The following FGF12 variants were observed in gnomAD, a reference collection of about 807,000 sequenced individuals.
The protein encoded by FGF12 is fibroblast growth factor 12, also known as fibroblast growth factor 12B.
FGF12 carries 14 observed loss-of-function variants against 23.6 expected under a neutral mutation model. The ratio of observed to expected loss-of-function variants is 0.59; its 90% CI spans 0.39 to 0.93. The LOEUF is 0.93. Among genes scored for constraint, FGF12 ranks in the 40% least tolerant of loss-of-function variants. FGF12 has a pLI of 0.00. For missense variants in FGF12, 175 were observed against 217.8 expected, an observed-to-expected ratio of 0.80 and a Z score of 1.24; for synonymous variants, 62 against 77.3, an observed-to-expected ratio of 0.80 and a Z score of 1.04.
intron 2 of FGF12, among the ~76,000 whole-genome samples, chr3:192,614,890 G>A (rs1334781016): frequency 6.6e-6 from 1 of 151,886 alleles, no homozygotes. Flanking sequence ...CCTTCAGAAT[G>A]GCCTTTACAT....
intron 2 of FGF12, among the ~76,000 whole-genome samples, chr3:192,637,289 G>A (rs562052479): frequency 2.2e-4 from 33 of 152,244 alleles, no homozygotes; most frequent in African/African-American, 7.2e-4. Flanking sequence ...AGGCCGCCTG[G>A]CATTTCTTTC....
chr3:192,155,285 A>C (rs1227399072), intron 5 of FGF12, among the ~76,000 whole-genome samples: 1 of 152,164 alleles, frequency 6.6e-6, no homozygotes, highest in Non-Finnish European at 1.5e-5. Context: ...TGCATTGCTC[A>C]CGCTGGGAGC....
intron 2 of FGF12, among the ~76,000 whole-genome samples, chr3:192,456,763 GGA>G (rs1455745412): frequency 6.6e-6 from 1 of 152,180 alleles, no homozygotes; most frequent in Admixed American, 6.5e-5. Context: ...TAAATATCTT[GGA>G]GACTCAGTTC....
At chr3:192,423,518 G>T (rs1721600237) in intron 2 of FGF12, among the ~76,000 whole-genome samples, 1 of 152,128 alleles carries the variant, frequency 6.6e-6, no homozygotes, top group Admixed American at 6.5e-5. Flanking sequence ...GAATACAACA[G>T]ACTCTCATGA....
At chr3:192,386,529 T>TA (rs952555923) in intron 2 of FGF12, among the ~76,000 whole-genome samples, 6 of 151,922 alleles carry the variant, frequency 3.9e-5, no homozygotes, top group South Asian at 4.1e-4. Context: ...TTTCTCACTT[T>TA]AAAAAAAAGT....
chr3:192,516,598 G>T (rs1241052595), intron 2 of FGF12: 1 of 152,204 alleles, frequency 6.6e-6, no homozygotes, highest in Non-Finnish European at 1.5e-5. Flanking sequence ...AGAACATCTG[G>T]AGGGCCGCTT....
At chr3:192,185,090 GTTCAAA>G (rs1299319435) in intron 4 of FGF12, among the ~76,000 whole-genome samples, 3 of 152,136 alleles carry the variant, frequency 2.0e-5, no homozygotes, top group Non-Finnish European at 4.4e-5. Context: ...TAAAGATCTA[GTTCAAA>G]TTCAACTCCC....
At chr3:192,522,663 A>AT (rs1380643719) in intron 2 of FGF12, among the ~76,000 whole-genome samples, 1 of 152,248 alleles carries the variant, frequency 6.6e-6, no homozygotes, top group Non-Finnish European at 1.5e-5. Context: ...TCGGTACAAC[A>AT]TTGTTGATAA....
At chr3:192,540,629 T>G (rs1409084764) in intron 2 of FGF12, among the ~76,000 whole-genome samples, 1 of 152,216 alleles carries the variant, frequency 6.6e-6, no homozygotes, top group East Asian at 1.9e-4. Context: ...GGATAAAATG[T>G]TCTGTAAATA....
intron 4 of FGF12, among the ~76,000 whole-genome samples, chr3:192,191,425 G>A (rs1432137019): frequency 6.6e-6 from 1 of 152,158 alleles, no homozygotes; most frequent in Non-Finnish European, 1.5e-5. Context: ...TAACTAATGT[G>A]CCACTAATGC....
chr3:192,396,299 T>C (rs1421128482), intron 2 of FGF12, among the ~76,000 whole-genome samples: 1 of 152,212 alleles, frequency 6.6e-6, no homozygotes, highest in African/African-American at 2.4e-5. Flanking sequence ...AGTATTTCTA[T>C]ATTCCATTCC....
intron 2 of FGF12, among the ~76,000 whole-genome samples, chr3:192,423,160 C>A (rs1226004099): frequency 6.6e-6 from 1 of 152,116 alleles, no homozygotes; most frequent in Non-Finnish European, 1.5e-5. Context: ...CAGAATCAGG[C>A]CTAAATGTGT....
intron 2 of FGF12, among the ~76,000 whole-genome samples, chr3:192,365,076 A>G (rs1471197971): frequency 6.6e-6 from 1 of 152,174 alleles, no homozygotes; most frequent in Non-Finnish European, 1.5e-5. Flanking sequence ...GTTCTACAAA[A>G]TACTTGACCA....
At chr3:192,281,561 C>T (rs1200475256) in intron 4 of FGF12, among the ~76,000 whole-genome samples, 4 of 152,238 alleles carry the variant, frequency 2.6e-5, no homozygotes, top group East Asian at 3.9e-4. Flanking sequence ...CATTGACATA[C>T]ACCTCTGAGA....
At position 192,408,547 on chromosome 3, in the gene FGF12, G is replaced by A. The variant is rs112338811; in HGVS notation, c.14-48009C>T. The A allele has an allele frequency of 6.3e-3, 7,297 of 1,163,186 alleles. 27 individuals are homozygous for A. The highest frequency in any genetic ancestry group is 8.8e-3 in the Middle Eastern group (24 of 2,726). 72.1% of individuals were successfully genotyped at this position (1,163,186 alleles called of 1,614,324 possible). On this transcript the variant is annotated intron_variant, in intron 2 of 5. Coordinates refer to ENST00000445105, the MANE Select transcript of FGF12 (RefSeq NM_004113.6). The surrounding 1 kb of genome is among the most constrained non-coding windows in gnomAD (Gnocchi z 7.3). ...CACCCCAAGGCGATCGGCGTCCAAG[G>A]GGCAGTGGGGAGTTTAGTCACACTG...
At chr3:192,353,365 T>G (rs923251019) in intron 3 of FGF12, among the ~76,000 whole-genome samples, 2 of 124,740 alleles carry the variant, frequency 1.6e-5, no homozygotes, top group African/African-American at 6.8e-5. Context: ...GGAGCAGAAG[T>G]CTTTTTTTTT....
At chr3:192,719,869 C>T (rs1192122497) in intron 2 of FGF12, among the ~76,000 whole-genome samples, 2 of 151,888 alleles carry the variant, frequency 1.3e-5, no homozygotes, top group East Asian at 3.9e-4. Flanking sequence ...TTTCAGTTCC[C>T]AAGTATCTGA....
chr3:192,325,205 T>G (rs1265906733), intron 4 of FGF12, among the ~76,000 whole-genome samples: 1 of 152,134 alleles, frequency 6.6e-6, no homozygotes, highest in Non-Finnish European at 1.5e-5. Context: ...CTGAAAAAAT[T>G]TCCAGTTCAT....
chr3:192,434,055 CCA>C (rs1439248269), intron 2 of FGF12, among the ~76,000 whole-genome samples: 2 of 152,168 alleles, frequency 1.3e-5, no homozygotes, highest in Admixed American at 1.3e-4. Context: ...AATGACGAAT[CCA>C]CCACCCTTAA....
Sources: allele counts gnomAD v4.1 joint callset (sites outside exome capture counted in the v4.1 genomes callset), GRCh38; gene constraint gnomAD v4.1.1; non-coding constraint Gnocchi (gnomAD v3.1); transcripts MANE v1.5; gene names NCBI Gene and HGNC (gene_info 2026-07-23, HGNC 2026-07-21).